Variants in NUGGC observed in about 807,000 individuals in gnomAD.
NUGGC encodes the protein nuclear GTPase SLIP-GC.
Under a neutral mutation model 92.6 loss-of-function variants are expected in NUGGC, and 58 were observed. The ratio of observed to expected loss-of-function variants is 0.63; its 90% CI spans 0.51 to 0.78. The LOEUF (loss-of-function observed/expected upper bound fraction) is 0.78, where lower values mean the gene tolerates loss of function less well. Among genes scored for constraint, NUGGC ranks in the 30% least tolerant of loss-of-function variants. NUGGC has a pLI of 0.00. For synonymous variants in NUGGC, 376 were observed against 366.4 expected, an observed-to-expected ratio of 1.03 and a Z score of -0.30; for missense variants, 925 against 964.6, an observed-to-expected ratio of 0.96 and a Z score of 0.54.
chr8:28,057,330 C>CTTTTTTTTTT (rs57167648), intron 9 of NUGGC, among the ~76,000 whole-genome samples: 142 of 123,882 alleles, frequency 1.1e-3, no homozygotes, highest in East Asian at 1.4e-3. Flanking sequence ...ATTTTCTTTC[C>CTTTTTTTTTT]TTTTTTTTTT....
intron 1 of NUGGC, among the ~76,000 whole-genome samples, chr8:28,078,877 G>A (rs78799459): frequency 0.011 from 1,643 of 152,322 alleles, 25 homozygotes; most frequent in African/African-American, 0.037. Flanking sequence ...CTGTGGAGAA[G>A]CAATTGATAA....
At chr8:28,031,515 T>C in intron 14 of NUGGC, 134 bp from the exon 15 acceptor site, 1 of 857,190 alleles carries the variant, frequency 1.2e-6, no homozygotes. Context: ...CAAATCCCTA[T>C]AATGTGCCAG....
At chr8:28,078,709 G>T (rs183377198) in intron 1 of NUGGC, among the ~76,000 whole-genome samples, 1 of 152,102 alleles carries the variant, frequency 6.6e-6, no homozygotes, top group African/African-American at 2.4e-5. Flanking sequence ...TAGGGCTTCC[G>T]TGTGGCCAAG....
Position 28,047,929 on chromosome 8 carries a change from T to C in NUGGC, c.1207-317A>G, listed in dbSNP as rs528380727. Among the ~76,000 whole-genome samples, 3 of 152,348 alleles carry C rather than the reference T, an allele frequency of 2.0e-5. No individual in the cohort carries two copies. The South Asian group carries it at 6.2e-4, about 32-fold the overall frequency. ...CAGAGGGGGAATAATACCAGGATCC[T>C]TTCTCAAAAAAGAAACACATGTCTG... On this transcript the variant is annotated intron_variant, in intron 10 of 18. Coordinates refer to ENST00000413272, the MANE Select transcript of NUGGC (RefSeq NM_001010906.2).
At chr8:28,078,401 T>G (rs1344546961) in intron 1 of NUGGC, among the ~76,000 whole-genome samples, 1 of 152,170 alleles carries the variant, frequency 6.6e-6, no homozygotes, top group Non-Finnish European at 1.5e-5. Flanking sequence ...TGGGGGTAGT[T>G]TGGTACAGAC....
intron 12 of NUGGC, among the ~76,000 whole-genome samples, chr8:28,043,257 G>C (rs560976787): frequency 1.3e-5 from 2 of 152,164 alleles, no homozygotes; most frequent in Admixed American, 6.5e-5. Flanking sequence ...AAACAAAGAA[G>C]CTGGCACTTA....
chr8:28,046,649 G>GGAGAAGAATTA (rs1278463702), intron 11 of NUGGC, among the ~76,000 whole-genome samples: 25 of 151,798 alleles, frequency 1.6e-4, no homozygotes, highest in Non-Finnish European at 3.1e-4. Flanking sequence ...CCTGAAGCTG[G>GGAGAAGAATTA]GTGGGAGGGG....
chr8:28,062,648 C>T lies in NUGGC; in HGVS notation c.921+1874G>A, dbSNP rs577711157. Among the ~76,000 whole-genome samples, 96 of 152,278 alleles carry T rather than the reference C, an allele frequency of 6.3e-4. 1 individual carries two copies. The South Asian group carries it at 0.02, about 31-fold the overall frequency. Reference sequence around the variant, plus strand: ...AACAAAACAAAAGTAGAAGCAGCTTCCAGCTCTGTAGTGTCAACAGTGGGC... The same window carrying T: ...AACAAAACAAAAGTAGAAGCAGCTTTCAGCTCTGTAGTGTCAACAGTGGGC... On this transcript the variant is annotated intron_variant, in intron 7 of 18. Transcript: ENST00000413272.
rs117403640 is a variant in NUGGC at position 28,047,429 on chromosome 8, G to C, written c.1312+78C>G. 74 of 907,820 alleles carry C rather than the reference G, an allele frequency of 8.2e-5. No homozygotes were observed. In the East Asian group the frequency reaches 2.0e-3, roughly 24 times the overall value. The allele number at this position is 907,820 out of a possible 1,614,324, so 56.2% of individuals were successfully genotyped here. ...AAAAATTGTTTGTGTGGCACAAAAA[G>C]TTCTAGAGCAGGAAATTCGAAGTGC... is the stretch of plus-strand genomic sequence containing the variant. On this transcript the variant is annotated intron_variant, in intron 11 of 18. Coordinates refer to ENST00000413272, the MANE Select transcript of NUGGC (RefSeq NM_001010906.2).
chr8:28,047,649 C>A, intron 10 of NUGGC, 37 bp from the exon 11 acceptor site: 1 of 1,303,914 alleles, frequency 7.7e-7, no homozygotes, highest in Non-Finnish European at 1.1e-6. Flanking sequence ...CAGAATAACT[C>A]AAACCATAGC....
In NUGGC at chr8:28,033,580, C is replaced by T. The variant is rs529297923; in HGVS notation, c.1729G>A (p.Val577Ile). ...AAAACAGGGTCGATCTGGTCATAGA[C>T]GGGCTGAGTGAGGGCTTCATTTAGA... ...IDLNEALTQP[V>I]YDQIDPVFGS... The change falls in exon 14 of 19, where the codon GTC (valine) becomes ATC (isoleucine). Residue 577 changes from valine to isoleucine, a missense_variant. By Grantham distance (29) the Val-to-Ile change is conservative (BLOSUM62 3). Coordinates refer to ENST00000413272, the MANE Select transcript of NUGGC (RefSeq NM_001010906.2). The T allele has an allele frequency of 9.4e-5, 152 of 1,613,952 alleles. No homozygotes were observed. In the South Asian group the frequency reaches 1.3e-3, roughly 14 times the overall value.
chr8:28,074,499 G>A, intron 1 of NUGGC, 43 bp from the exon 2 acceptor site: 1 of 1,351,344 alleles, frequency 7.4e-7, no homozygotes, highest in Non-Finnish European at 1.0e-6. Context: ...AGCGGAATTT[G>A]AAAATACAGA....
intron 13 of NUGGC, among the ~76,000 whole-genome samples, chr8:28,038,005 A>G (rs578054072): frequency 2.0e-5 from 3 of 152,342 alleles, no homozygotes; most frequent in African/African-American, 7.2e-5. Flanking sequence ...GAGTGCAAGA[A>G]CAGCTGCAGC....
At chr8:28,063,347 G>A (rs189005167) in intron 7 of NUGGC, among the ~76,000 whole-genome samples, 8 of 152,324 alleles carry the variant, frequency 5.3e-5, no homozygotes, top group African/African-American at 1.7e-4. Context: ...TGAACTGGCT[G>A]CAGCCGCGGC....
intron 7 of NUGGC, among the ~76,000 whole-genome samples, chr8:28,062,714 G>C (rs1810336959): frequency 6.6e-6 from 1 of 152,238 alleles, no homozygotes; most frequent in Non-Finnish European, 1.5e-5. Flanking sequence ...AGGATGCCAG[G>C]CTGGGTGCTC....
At chr8:28,030,917 A>G (rs1809401746) in intron 15 of NUGGC, among the ~76,000 whole-genome samples, 1 of 152,238 alleles carries the variant, frequency 6.6e-6, no homozygotes, top group African/African-American at 2.4e-5. Context: ...TAGGTTAGTG[A>G]AAATGGTTCC....
intron 2 of NUGGC, 47 bp from the exon 3 acceptor site, chr8:28,070,403 G>T (rs1462685578): frequency 3.8e-6 from 4 of 1,046,846 alleles, no homozygotes; most frequent in Non-Finnish European, 4.3e-6. Flanking sequence ...TTGGGGTATG[G>T]TATTCTTGCC....
chr8:28,068,794 T>C (rs1810513641), intron 4 of NUGGC, among the ~76,000 whole-genome samples: 1 of 152,172 alleles, frequency 6.6e-6, no homozygotes, highest in African/African-American at 2.4e-5. Context: ...TGGAGTGCAG[T>C]GGTGCAATTA....
At chr8:28,076,806 C>T (rs909780277) in intron 1 of NUGGC, among the ~76,000 whole-genome samples, 1 of 152,160 alleles carries the variant, frequency 6.6e-6, no homozygotes, top group Non-Finnish European at 1.5e-5. Context: ...CATTACCTTA[C>T]AGCTGCAAAT....
Sources: allele counts gnomAD v4.1 joint callset (sites outside exome capture counted in the v4.1 genomes callset), GRCh38; gene constraint gnomAD v4.1.1; transcripts MANE v1.5; gene names NCBI Gene and HGNC (gene_info 2026-07-23, HGNC 2026-07-21).